KHDRBS2: variants seen among roughly 807,000 people sequenced by gnomAD.
KHDRBS2 encodes KH RNA binding domain containing, signal transduction associated 2.
Under a neutral mutation model 44.3 loss-of-function variants are expected in KHDRBS2, and 26 were observed. The ratio of observed to expected loss-of-function variants is 0.59; its 90% CI spans 0.43 to 0.81. The LOEUF (loss-of-function observed/expected upper bound fraction) is 0.81, where lower values mean the gene tolerates loss of function less well. Among genes scored for constraint, KHDRBS2 ranks in the 40% least tolerant of loss-of-function variants. KHDRBS2 has a pLI of 0.00. For synonymous variants in KHDRBS2, 194 were observed against 151.1 expected, an observed-to-expected ratio of 1.28 and a Z score of -2.08; for missense variants, 476 against 433.1, an observed-to-expected ratio of 1.10 and a Z score of -0.88.
At chr6:62,049,718 T>C (rs139742273) in intron 2 of KHDRBS2, among the ~76,000 whole-genome samples, 12 of 152,190 alleles carry the variant, frequency 7.9e-5, no homozygotes, top group African/African-American at 2.6e-4. Flanking sequence ...GTTCTGTAGG[T>C]TGCCTGTTCA....
At chr6:61,876,796 G>A (rs1161101223) in intron 6 of KHDRBS2, among the ~76,000 whole-genome samples, 1 of 152,052 alleles carries the variant, frequency 6.6e-6, no homozygotes, top group Non-Finnish European at 1.5e-5. Context: ...CCACCTCTGT[G>A]TCATGCAGCC....
chr6:62,101,905 A>G (rs1407522544), intron 2 of KHDRBS2, among the ~76,000 whole-genome samples: 2 of 152,200 alleles, frequency 1.3e-5, no homozygotes, highest in Non-Finnish European at 2.9e-5. Context: ...TTAACATAAC[A>G]TGGTCTTCTC....
At chr6:61,688,066 T>C (rs940299435) in intron 8 of KHDRBS2, among the ~76,000 whole-genome samples, 11 of 151,906 alleles carry the variant, frequency 7.2e-5, no homozygotes, top group Admixed American at 1.3e-4. Flanking sequence ...CCATTAATAA[T>C]TGAAAATTAT....
At chr6:61,820,738 A>G (rs1341753215) in intron 6 of KHDRBS2, among the ~76,000 whole-genome samples, 5 of 152,050 alleles carry the variant, frequency 3.3e-5, no homozygotes, top group Non-Finnish European at 5.9e-5. Context: ...TTTATGCAGA[A>G]GGGATCTCAT....
intron 6 of KHDRBS2, among the ~76,000 whole-genome samples, chr6:61,857,014 G>A (rs995371092): frequency 2.0e-5 from 3 of 152,096 alleles, no homozygotes; most frequent in African/African-American, 7.2e-5. Context: ...GCACCAATGT[G>A]AAGAATGGAT....
chr6:62,011,187 T>C (rs1371170764), intron 3 of KHDRBS2, among the ~76,000 whole-genome samples: 1 of 152,148 alleles, frequency 6.6e-6, no homozygotes, highest in Admixed American at 6.5e-5. Context: ...CATTCAGAAT[T>C]ACACATGCTA....
At chr6:62,099,962 T>C (rs1801487050) in intron 2 of KHDRBS2, among the ~76,000 whole-genome samples, 1 of 152,242 alleles carries the variant, frequency 6.6e-6, no homozygotes, top group Admixed American at 6.5e-5. Context: ...TTTATTAGGA[T>C]ATAGCTGTCA....
At chr6:62,090,335 C>G (rs760412567) in intron 2 of KHDRBS2, among the ~76,000 whole-genome samples, 1 of 152,136 alleles carries the variant, frequency 6.6e-6, no homozygotes, top group Non-Finnish European at 1.5e-5. Context: ...TAAAGACAGA[C>G]AAGTTTGTCT....
intron 1 of KHDRBS2, among the ~76,000 whole-genome samples, chr6:62,219,693 A>T (rs1368277402): frequency 6.6e-6 from 1 of 150,822 alleles, no homozygotes; most frequent in Non-Finnish European, 1.5e-5. Flanking sequence ...ATAGTTACAT[A>T]AGAGAATGTC....
the KHDRBS2 span, among the ~76,000 whole-genome samples, chr6:61,613,206 T>C: frequency 6.6e-6 from 1 of 152,126 alleles, no homozygotes; most frequent in Non-Finnish European, 1.5e-5. Flanking sequence ...TTTCCTCCTA[T>C]AGAATACAAG....
intron 4 of KHDRBS2, among the ~76,000 whole-genome samples, chr6:61,963,308 C>T (rs1476936639): frequency 6.6e-6 from 1 of 151,900 alleles, no homozygotes; most frequent in African/African-American, 2.4e-5. Flanking sequence ...ATCTGAGGAT[C>T]CAGAAATTTC....
chr6:61,776,150 T>C (rs1781951497), intron 6 of KHDRBS2, among the ~76,000 whole-genome samples: 1 of 152,130 alleles, frequency 6.6e-6, no homozygotes, highest in Non-Finnish European at 1.5e-5. Context: ...TCAAGATGGA[T>C]CAAAGACTTA....
At chr6:61,761,662 GC>G (rs1779286836) in intron 6 of KHDRBS2, among the ~76,000 whole-genome samples, 1 of 152,116 alleles carries the variant, frequency 6.6e-6, no homozygotes, top group South Asian at 2.1e-4. Context: ...AAATGGAACT[GC>G]CATTATAATA....
At chr6:61,590,698 C>T in the KHDRBS2 span, among the ~76,000 whole-genome samples, 2 of 152,068 alleles carry the variant, frequency 1.3e-5, no homozygotes, top group Non-Finnish European at 1.5e-5. Context: ...TTATAAAGTA[C>T]AGTCTATAAG....
At chr6:61,673,160 T>C in the KHDRBS2 span, among the ~76,000 whole-genome samples, 3 of 152,028 alleles carry the variant, frequency 2.0e-5, no homozygotes, top group Non-Finnish European at 4.4e-5. Context: ...TAGTTGTAGA[T>C]ATGTGGTGTT....
the KHDRBS2 span, among the ~76,000 whole-genome samples, chr6:61,624,309 T>A: frequency 6.6e-6 from 1 of 152,170 alleles, no homozygotes; most frequent in African/African-American, 2.4e-5. Context: ...TGTGGCCACT[T>A]AACCAAGGCT....
chr6:61,786,813 G>T (rs570008244), intron 6 of KHDRBS2, among the ~76,000 whole-genome samples: 13 of 151,852 alleles, frequency 8.6e-5, no homozygotes, highest in African/African-American at 3.1e-4. Flanking sequence ...ATATTGCCCA[G>T]CAAATACTCA....
intron 6 of KHDRBS2, among the ~76,000 whole-genome samples, chr6:61,872,086 G>T (rs1220310589): frequency 6.6e-6 from 1 of 151,736 alleles, no homozygotes; most frequent in East Asian, 1.9e-4. Flanking sequence ...AGAACTTAAA[G>T]TATAATAAAA....
At chr6:61,839,222 T>G (rs1466203329) in intron 6 of KHDRBS2, among the ~76,000 whole-genome samples, 1 of 152,120 alleles carries the variant, frequency 6.6e-6, no homozygotes, top group Admixed American at 6.6e-5. Flanking sequence ...CAATATCTAC[T>G]TTTCTTACAT....
Sources: gnomAD v4.1 joint callset for allele counts (sites outside exome capture counted in the v4.1 genomes callset) on GRCh38, gnomAD v4.1.1 for gene constraint, MANE v1.5 for transcripts, NCBI Gene and HGNC (gene_info 2026-07-23, HGNC 2026-07-21) for gene names.